TEX11: variants seen among roughly 807,000 people sequenced by gnomAD.
TEX11 encodes the protein testis expressed 11, also known as testis-expressed protein 11.
In TEX11, 7 loss-of-function variants were observed where a neutral mutation model predicts 84.4. The observed-to-expected ratio is 0.08, with a 90% CI of 0.05 to 0.16. The LOEUF (loss-of-function observed/expected upper bound fraction) is 0.16. Among genes scored for constraint, TEX11 ranks in the 10% least tolerant of loss-of-function variants. The pLI is 1.00. For missense variants in TEX11, 551 were observed against 660.5 expected, an observed-to-expected ratio of 0.83 and a Z score of 1.82; for synonymous variants, 264 against 222.8, an observed-to-expected ratio of 1.18 and a Z score of -1.64.
chrX:70,525,586 CA>C (rs58514385), downstream of TEX11, among the ~76,000 whole-genome samples: 19,068 of 88,931 alleles, frequency 0.21, 2,866 homozygotes, highest in African/African-American at 0.52. Context: ...GACCCTATCT[CA>C]AAAAAAAAAA....
At chrX:70,905,300 G>A (rs145166773) in intron 2 of TEX11, among the ~76,000 whole-genome samples, 2,333 of 111,132 alleles carry the variant, frequency 0.021, 47 homozygotes, top group African/African-American at 0.071. Context: ...ACTCCAGCCT[G>A]GACGACAGAG....
chrX:70,552,955 A>G (rs769067921), intron 27 of TEX11, among the ~76,000 whole-genome samples: 2 of 111,474 alleles, frequency 1.8e-5, no homozygotes, highest in East Asian at 2.8e-4. Flanking sequence ...TGGGTGGTGG[A>G]TACGTTGGTG....
At chrX:70,787,625 G>A (rs967406255) in intron 9 of TEX11, among the ~76,000 whole-genome samples, 3 of 108,314 alleles carry the variant, frequency 2.8e-5, no homozygotes, top group African/African-American at 3.4e-5. Flanking sequence ...CACTGCACCC[G>A]GCCCCCTCTT....
intron 9 of TEX11, among the ~76,000 whole-genome samples, chrX:70,758,527 A>C (rs749736037): frequency 1.2e-4 from 14 of 112,178 alleles, no homozygotes; most frequent in Non-Finnish European, 1.7e-4. Flanking sequence ...CTACTGGGTA[A>C]ATAACAAAAT....
chrX:70,564,832 C>A (rs954279912), intron 25 of TEX11, among the ~76,000 whole-genome samples: 3 of 110,510 alleles, frequency 2.7e-5, no homozygotes, highest in African/African-American at 9.9e-5. Flanking sequence ...GGTTCCAGGT[C>A]TTTCCTATTG....
At chrX:70,674,583 A>C (rs2090053249) in intron 15 of TEX11, among the ~76,000 whole-genome samples, 1 of 112,031 alleles carries the variant, frequency 8.9e-6, no homozygotes, top group African/African-American at 3.2e-5. Flanking sequence ...CTTTTTAATA[A>C]TGTATCTTGG....
chrX:70,537,203 G>C (rs1423248437), intron 28 of TEX11, among the ~76,000 whole-genome samples: 1 of 111,743 alleles, frequency 8.9e-6, no homozygotes, highest in Non-Finnish European at 1.9e-5. Context: ...GATATGATGA[G>C]ATCATCTAAT....
chrX:70,725,446 A>T (rs1252293350), intron 11 of TEX11, 103 bp from the exon 12 acceptor site: 4 of 434,038 alleles, frequency 9.2e-6, no homozygotes, highest in Non-Finnish European at 1.6e-5. Context: ...GATAACTCAT[A>T]ATCAAAGGAA....
chrX:70,525,216 G>A (rs1326295045), downstream of TEX11, among the ~76,000 whole-genome samples: 1 of 109,912 alleles, frequency 9.1e-6, no homozygotes, highest in Non-Finnish European at 1.9e-5. Flanking sequence ...TACAAGCAGA[G>A]ACATTAATTA....
At chrX:70,731,458 A>G (rs769447990) in intron 11 of TEX11, among the ~76,000 whole-genome samples, 47 of 111,286 alleles carry the variant, frequency 4.2e-4, no homozygotes, top group Admixed American at 1.5e-3. Context: ...GCAATAAAAA[A>G]TGATAAAGGG....
intron 15 of TEX11, among the ~76,000 whole-genome samples, chrX:70,671,421 T>C (rs1413320377): frequency 9.0e-6 from 1 of 111,381 alleles, no homozygotes; most frequent in Non-Finnish European, 1.9e-5. Flanking sequence ...CCTTTGACTA[T>C]TACATTAGTC....
chrX:70,558,647 G>A (rs896240893), intron 25 of TEX11, among the ~76,000 whole-genome samples: 7 of 111,271 alleles, frequency 6.3e-5, no homozygotes, highest in Non-Finnish European at 1.3e-4. Flanking sequence ...GACAGAGTGG[G>A]GCAAAATCAA....
intron 2 of TEX11, among the ~76,000 whole-genome samples, chrX:70,903,891 G>T (rs1173789495): frequency 9.4e-6 from 1 of 106,931 alleles, no homozygotes; most frequent in Non-Finnish European, 1.9e-5. Flanking sequence ...AGCAATCAAG[G>T]CTCACTGCAG....
chrX:70,545,936 TC>T (rs2088117238), intron 28 of TEX11, among the ~76,000 whole-genome samples: 1 of 112,225 alleles, frequency 8.9e-6, no homozygotes, highest in African/African-American at 3.2e-5. Context: ...GCAGTCAGGA[TC>T]CTCAGATATT....
At chrX:70,541,619 A>C (rs1221819459) in intron 28 of TEX11, among the ~76,000 whole-genome samples, 1 of 111,267 alleles carries the variant, frequency 9.0e-6, no homozygotes, top group African/African-American at 3.3e-5. Context: ...TTAGCCAGGC[A>C]TGGTGGCATT....
chrX:70,854,408 T>A lies in TEX11; in HGVS notation c.325-1080A>T, dbSNP rs191061474. Among the ~76,000 whole-genome samples, 110 of 106,821 alleles carry A rather than the reference T, an allele frequency of 1.0e-3. 1 individual carries two copies. Among genetic ancestry groups the A allele is most frequent in the Middle Eastern group, 4.7e-3 (1 of 211 alleles). 92.8% of individuals were successfully genotyped at this position (106,821 alleles called of 115,157 possible). A position where few individuals can be genotyped will look rare whatever the true frequency, so the allele number is the denominator to read the frequency against. On this transcript the variant is annotated intron_variant, in intron 5 of 29. Coordinates refer to ENST00000374333, the MANE Select transcript of TEX11 (RefSeq NM_031276.3). ...AAGAGATAAACTCCAAATTTGATTT[T>A]AAAAAAAAAAGAAAGAAAAGTTTAA...
At chrX:70,856,249 G>C (rs1271301428) in intron 5 of TEX11, among the ~76,000 whole-genome samples, 1 of 110,967 alleles carries the variant, frequency 9.0e-6, no homozygotes, top group Non-Finnish European at 1.9e-5. Context: ...TGTTAAACGA[G>C]GGGGAAAAAA....
At chrX:70,866,808 C>A (rs2091601895) in intron 4 of TEX11, among the ~76,000 whole-genome samples, 1 of 111,918 alleles carries the variant, frequency 8.9e-6, no homozygotes, top group African/African-American at 3.2e-5. Flanking sequence ...ATGATTATCT[C>A]AATAGATGCA....
At chrX:70,551,978 A>G (rs1045605708) in intron 28 of TEX11, 148 bp downstream of exon 28, 2 of 633,781 alleles carry the variant, frequency 3.2e-6, no homozygotes, top group African/African-American at 4.7e-5. Context: ...GAAACCCAGG[A>G]AAATTCTGTA....
Sources: gnomAD v4.1 joint callset for allele counts (sites outside exome capture counted in the v4.1 genomes callset) on GRCh38, gnomAD v4.1.1 for gene constraint, MANE v1.5 for transcripts, NCBI Gene and HGNC (gene_info 2026-07-23, HGNC 2026-07-21) for gene names.